Variants in KDM3B observed in about 807,000 individuals in gnomAD.
The protein encoded by KDM3B is lysine demethylase 3B.
Under a neutral mutation model 170.0 loss-of-function variants are expected in KDM3B, and 10 were observed. That is an observed-to-expected ratio of 0.06 (90% CI 0.04 to 0.10). The LOEUF is 0.10. Ranked by LOEUF, KDM3B falls within the 10% of genes least tolerant of loss-of-function variation. The pLI is 1.00. For synonymous variants in KDM3B, 831 were observed against 834.8 expected, an observed-to-expected ratio of 1.00 and a Z score of 0.08; for missense variants, 1,394 against 2,195.2, an observed-to-expected ratio of 0.64 and a Z score of 7.29.
chr5:138,378,170 A>G (rs554568194), intron 4 of KDM3B, among the ~76,000 whole-genome samples: 16 of 152,244 alleles, frequency 1.1e-4, no homozygotes, highest in Admixed American at 3.3e-4. Context: ...ATTCAGACCA[A>G]TGTTTCTGGT....
intron 23 of KDM3B, among the ~76,000 whole-genome samples, chr5:138,435,374 C>T (rs1011491786): frequency 1.3e-5 from 2 of 152,230 alleles, no homozygotes; most frequent in Non-Finnish European, 1.5e-5. Context: ...TCAGCAGCAG[C>T]GCCTGCCCAG....
intron 9 of KDM3B, 93 bp from the exon 10 acceptor site, chr5:138,398,085 G>T: frequency 1.1e-6 from 1 of 916,668 alleles, no homozygotes; most frequent in Non-Finnish European, 1.7e-6. Context: ...GATTCCTGTT[G>T]TCTCATTTTA....
At chr5:138,387,870 A>G (rs1173404664) in intron 7 of KDM3B, among the ~76,000 whole-genome samples, 1 of 152,190 alleles carries the variant, frequency 6.6e-6, no homozygotes, top group Non-Finnish European at 1.5e-5. Flanking sequence ...TCACAAGGTC[A>G]GGAGATCAAG....
chr5:138,360,888 G>A (rs141468803), intron 1 of KDM3B, among the ~76,000 whole-genome samples: 238 of 152,232 alleles, frequency 1.6e-3, no homozygotes, highest in South Asian at 0.01. Flanking sequence ...CACCACGCCC[G>A]GCCATTAATT....
Position 138,391,030 on chromosome 5 carries a change from T to C in KDM3B, c.1398T>C (p.Ile466=). The stretch of plus-strand genomic sequence containing the variant: ...CCTTTCAGAATTCAAGAAATTCTAT[T>C]CTGGCCTCTTCTGGATTTGGAGCAC... The part of the protein sequence containing the change: ...QASGENSRNS[I]LASSGFGAPL... The change falls in exon 8 of 24, where the codon ATT becomes ATC. Residue 466 remains isoleucine (I), a synonymous_variant. Transcript: ENST00000314358. This position sits in a 1 kb window ranked among gnomAD's most constrained non-coding sequence, Gnocchi z 5.0. The C allele has an allele frequency of 1.3e-6, 2 of 1,569,810 alleles. No individual in the cohort carries two copies. The highest frequency in any genetic ancestry group is 1.7e-6 in the Non-Finnish European group (2 of 1,158,336).
chr5:138,356,800 G>A (rs898086550), intron 1 of KDM3B, among the ~76,000 whole-genome samples: 3 of 151,652 alleles, frequency 2.0e-5, no homozygotes, highest in Non-Finnish European at 4.4e-5. Flanking sequence ...GTGCCACCAC[G>A]CCCAGGTAAT....
At chr5:138,383,145 C>G (rs936617959) in intron 6 of KDM3B, among the ~76,000 whole-genome samples, 3 of 145,428 alleles carry the variant, frequency 2.1e-5, no homozygotes, top group African/African-American at 5.0e-5. Flanking sequence ...TTGTTTTTTT[C>G]TTTTTTTTTT....
chr5:138,383,186 T>C (rs1762169117), intron 6 of KDM3B, among the ~76,000 whole-genome samples: 3 of 152,042 alleles, frequency 2.0e-5, no homozygotes, highest in Admixed American at 1.3e-4. Flanking sequence ...TCACCCATGC[T>C]GGAGTGCAGT....
At chr5:138,395,940 G>A (rs888297363) in intron 9 of KDM3B, among the ~76,000 whole-genome samples, 2 of 152,014 alleles carry the variant, frequency 1.3e-5, no homozygotes, top group African/African-American at 4.8e-5. Flanking sequence ...TAATAAAAAA[G>A]TAAAAATGTT....
Position 138,411,787 on chromosome 5 carries a change from C to T in KDM3B, c.3200-3345C>T, listed in dbSNP as rs549236118. On this transcript the variant is annotated intron_variant, in intron 11 of 23. Coordinates refer to ENST00000314358, the MANE Select transcript of KDM3B (RefSeq NM_016604.4). ...CAATCTTAGCTCACTGCAGCTTCCA[C>T]CTCCCAGGATCAAGCGATCCTCCTG... Among the ~76,000 whole-genome samples, 13 of 150,936 alleles carry T rather than the reference C, an allele frequency of 8.6e-5. No homozygotes were observed. The South Asian group carries it at 1.0e-3, about 12-fold the overall frequency.
chr5:138,379,738 C>A, intron 5 of KDM3B, 30 bp downstream of exon 5: 2 of 1,592,128 alleles, frequency 1.3e-6, no homozygotes, highest in South Asian at 2.3e-5. Flanking sequence ...TGTCTAAGGT[C>A]CATCCATCCC....
At chr5:138,414,275 C>T (rs755302455) in intron 11 of KDM3B, among the ~76,000 whole-genome samples, 3 of 152,192 alleles carry the variant, frequency 2.0e-5, no homozygotes, top group Non-Finnish European at 4.4e-5. Context: ...ACGCCATTCT[C>T]CTGCCTCAGC....
intron 1 of KDM3B, among the ~76,000 whole-genome samples, chr5:138,353,232 C>T (rs1250756894): frequency 6.6e-6 from 1 of 152,212 alleles, no homozygotes; most frequent in Non-Finnish European, 1.5e-5. Flanking sequence ...TGCTTGCAGC[C>T]AGCAGGCCCC....
chr5:138,374,141 GC>G, intron 2 of KDM3B, among the ~76,000 whole-genome samples: 1 of 151,008 alleles, frequency 6.6e-6, no homozygotes, highest in South Asian at 2.1e-4. Context: ...TTACAGGCAT[GC>G]GCCACCATGC....
At chr5:138,412,742 T>C (rs1763005377) in intron 11 of KDM3B, among the ~76,000 whole-genome samples, 1 of 152,140 alleles carries the variant, frequency 6.6e-6, no homozygotes, top group Non-Finnish European at 1.5e-5. Context: ...GAAGGATCAC[T>C]AGAGTCCAGC....
At chr5:138,418,861 C>T in intron 13 of KDM3B, 92 bp from the exon 14 acceptor site, 1 of 1,203,296 alleles carries the variant, frequency 8.3e-7, no homozygotes, top group Non-Finnish European at 1.2e-6. Context: ...GATTATTCTT[C>T]CCAGACCTAT....
At chr5:138,395,460 T>C (rs1299622555) in intron 9 of KDM3B, among the ~76,000 whole-genome samples, 4 of 152,174 alleles carry the variant, frequency 2.6e-5, no homozygotes, top group African/African-American at 9.7e-5. Flanking sequence ...AATAATGAAC[T>C]GTGTCAAATG....
intron 23 of KDM3B, among the ~76,000 whole-genome samples, chr5:138,434,887 C>T (rs1397963653): frequency 6.6e-6 from 1 of 152,138 alleles, no homozygotes; most frequent in Non-Finnish European, 1.5e-5. Flanking sequence ...ATGCCCATGA[C>T]CCAGCTTAAG....
In KDM3B at chr5:138,382,000, C is replaced by T. The variant is rs1233202445; in HGVS notation, c.780+410C>T. Among the ~76,000 whole-genome samples the T allele has an allele frequency of 4.6e-5, 7 of 151,154 alleles. No homozygotes were observed. In the South Asian group the frequency reaches 6.2e-4, roughly 13 times the overall value. On this transcript the variant is annotated intron_variant, in intron 6 of 23. Transcript: ENST00000314358. ...TCCATTCGGTGGCAGTGAGCTCCAA[C>T]GGAGTCTGAAATTCTGTATTCCCAA...
Sources: allele counts gnomAD v4.1 joint callset (sites outside exome capture counted in the v4.1 genomes callset), GRCh38; gene constraint gnomAD v4.1.1; non-coding constraint Gnocchi (gnomAD v3.1); transcripts MANE v1.5; gene names NCBI Gene and HGNC (gene_info 2026-07-23, HGNC 2026-07-21).